Variants in BICDL1 observed in about 807,000 individuals in gnomAD.
The protein encoded by BICDL1 is BICD family-like cargo adapter 1.
In BICDL1, 20 loss-of-function variants were observed where a neutral mutation model predicts 76.8. The ratio of observed to expected loss-of-function variants is 0.26; its 90% CI spans 0.18 to 0.38. The LOEUF is 0.38. Ranked by LOEUF, BICDL1 falls within the 10% of genes least tolerant of loss-of-function variation. The pLI is 1.00. For missense variants in BICDL1, 700 were observed against 798.6 expected, an observed-to-expected ratio of 0.88 and a Z score of 1.49; for synonymous variants, 383 against 337.1, an observed-to-expected ratio of 1.14 and a Z score of -1.49.
At chr12:120,059,764 A>G (rs561515544) in intron 2 of BICDL1, among the ~76,000 whole-genome samples, 6 of 151,828 alleles carry the variant, frequency 4.0e-5, no homozygotes, top group Non-Finnish European at 7.4e-5. Context: ...GCTGTAGTGC[A>G]GTGGCAGCAC....
At chr12:120,053,779 G>T (rs1335834539) in intron 2 of BICDL1, among the ~76,000 whole-genome samples, 2 of 152,162 alleles carry the variant, frequency 1.3e-5, no homozygotes, top group Non-Finnish European at 2.9e-5. Flanking sequence ...CTACTAGAGT[G>T]TCATTGTATG....
intron 2 of BICDL1, among the ~76,000 whole-genome samples, chr12:120,006,722 G>A (rs964441507): frequency 2.6e-5 from 4 of 152,144 alleles, no homozygotes; most frequent in African/African-American, 7.2e-5. Flanking sequence ...ACTGGGGTGT[G>A]GTTAGCTTGG....
At chr12:119,997,212 C>A (rs968443765) in intron 1 of BICDL1, among the ~76,000 whole-genome samples, 8 of 152,188 alleles carry the variant, frequency 5.3e-5, no homozygotes, top group African/African-American at 1.4e-4. Context: ...TCCCAAAGTG[C>A]TGGGATTACA....
chr12:120,019,044 CAA>C (rs60381935), intron 2 of BICDL1: 107 of 49,294 alleles, frequency 2.2e-3, no homozygotes, highest in African/African-American at 5.8e-3. Flanking sequence ...GACTCCGTCT[CAA>C]AAAAAAAAAA....
At chr12:119,996,673 TATACAG>T (rs1357066399) in intron 1 of BICDL1, among the ~76,000 whole-genome samples, 1 of 130,956 alleles carries the variant, frequency 7.6e-6, no homozygotes, top group African/African-American at 3.6e-5. Context: ...TATATATACA[TATACAG>T]ATACACACAC....
In BICDL1 at chr12:120,047,406, A is replaced by T. The variant is rs529538303; in HGVS notation, c.646-14304A>T. Among the ~76,000 whole-genome samples, 14 of 152,306 alleles carry T rather than the reference A, an allele frequency of 9.2e-5. No individual in the cohort carries two copies. In the South Asian group the frequency reaches 2.7e-3, roughly 29 times the overall value. ...ACAAGTTCTGTGATCCTGGGCAGGA[A>T]CCTTCATGCAAATTGTATCTTTACG... On this transcript the variant is annotated intron_variant, in intron 2 of 9. Coordinates refer to ENST00000548673, the MANE Select transcript of BICDL1 (RefSeq NM_001367886.1).
chr12:120,092,703 C>T (rs373143198), intron 9 of BICDL1: 4 of 985,426 alleles, frequency 4.1e-6, no homozygotes, highest in Middle Eastern at 1.0e-3. Context: ...AGTGTGGAGA[C>T]TGCAGGGAGA....
chr12:120,036,846 A>T (rs1469520167), intron 2 of BICDL1, among the ~76,000 whole-genome samples: 1 of 152,248 alleles, frequency 6.6e-6, no homozygotes, highest in African/African-American at 2.4e-5. Context: ...ACTGTGCTCC[A>T]GCCTGGGTGA....
intron 7 of BICDL1, 65 bp downstream of exon 7, chr12:120,074,651 C>G (rs1873395245): frequency 2.0e-6 from 2 of 1,003,822 alleles, no homozygotes; most frequent in Admixed American, 1.2e-4. Flanking sequence ...TCTTGGGACC[C>G]TTTTGAGTTT....
At position 120,071,913 on chromosome 12, in the gene BICDL1, G is replaced by T. The variant is rs528518481; in HGVS notation, c.1089+112G>T. 10 of 1,416,630 alleles carry T rather than the reference G, an allele frequency of 7.1e-6. No individual in the cohort carries two copies. In the South Asian group the frequency reaches 1.6e-4, roughly 22 times the overall value. 87.8% of individuals were successfully genotyped at this position (1,416,630 alleles called of 1,614,324 possible). A position where few individuals can be genotyped will look rare whatever the true frequency, so the allele number is the denominator to read the frequency against. On this transcript the variant is annotated intron_variant, in intron 5 of 9. Transcript: ENST00000548673. This position sits in a 1 kb window ranked among gnomAD's most constrained non-coding sequence, Gnocchi z 4.8. ...GGCAAGGCTGTGCCCCTGTGCCTGT[G>T]TCAGCCCCTTGGCCTGCTGGCTAGA...
At position 120,093,176 on chromosome 12, in the gene BICDL1, G is replaced by GGCCACCAAAGATGGGTGGACTGGA; in HGVS notation, c.*17_*40dup. 1 of 1,571,130 alleles carries GGCCACCAAAGATGGGTGGACTGGA rather than the reference G, an allele frequency of 6.4e-7. No individual in the cohort carries two copies. Among genetic ancestry groups the GGCCACCAAAGATGGGTGGACTGGA allele is most frequent in the Non-Finnish European group, 8.6e-7 (1 of 1,157,456 alleles). On this transcript the variant is annotated 3_prime_UTR_variant, in exon 10 of 10. Coordinates refer to ENST00000548673, the MANE Select transcript of BICDL1 (RefSeq NM_001367886.1). ...GGAAAATTTAAGTTGGGAGGAGTCA[G>GGCCACCAAAGATGGGTGGACTGGA]GCCACCAAAGATGGGTGGACTGGAG...
chr12:120,042,456 G>C (rs542073588), intron 2 of BICDL1, among the ~76,000 whole-genome samples: 1 of 152,134 alleles, frequency 6.6e-6, no homozygotes, highest in Non-Finnish European at 1.5e-5. Flanking sequence ...GACATGTTGA[G>C]TGTGACGCAC....
chr12:120,047,581 A>G (rs893300387), intron 2 of BICDL1, among the ~76,000 whole-genome samples: 1 of 152,224 alleles, frequency 6.6e-6, no homozygotes, highest in Non-Finnish European at 1.5e-5. Context: ...TTTATCATAA[A>G]TAATTATAGC....
At chr12:120,047,256 G>C (rs1455189323) in intron 2 of BICDL1, among the ~76,000 whole-genome samples, 4 of 152,080 alleles carry the variant, frequency 2.6e-5, no homozygotes, top group Admixed American at 1.3e-4. Context: ...AGGGCCATCA[G>C]ACCTTCCTCA....
chr12:120,054,942 G>A (rs1952944216), intron 2 of BICDL1, among the ~76,000 whole-genome samples: 1 of 152,026 alleles, frequency 6.6e-6, no homozygotes, highest in Non-Finnish European at 1.5e-5. Context: ...TATAACAGTA[G>A]GATTGTAAGT....
intron 8 of BICDL1, 98 bp from the exon 9 acceptor site, chr12:120,089,853 G>A: frequency 6.9e-7 from 1 of 1,446,528 alleles, no homozygotes. Context: ...CAGGGTCAGA[G>A]CCTGTTTCCT....
At position 120,071,052 on chromosome 12, in the gene BICDL1, T is replaced by C. The variant is rs1419221808; in HGVS notation, c.910-570T>C. On this transcript the variant is annotated intron_variant, in intron 4 of 9. Transcript: ENST00000548673. The surrounding 1 kb of genome is among the most constrained non-coding windows in gnomAD (Gnocchi z 4.8). ...GCCTGGTTGGTATAACTCAAGTCTT[T>C]TTTTATTTCTGTGTTCCTCCTTTAT... 6.6e-6 allele frequency among the ~76,000 whole-genome samples: 1 copy of C among 152,078 alleles called. No individual in the cohort carries two copies. The highest frequency in any genetic ancestry group is 1.9e-4 in the East Asian group (1 of 5,164).
At chr12:120,010,380 A>G (rs1245165707) in intron 2 of BICDL1, among the ~76,000 whole-genome samples, 1 of 152,238 alleles carries the variant, frequency 6.6e-6, no homozygotes, top group African/African-American at 2.4e-5. Context: ...TTCTTAATTG[A>G]GTTTATAAAT....
chr12:119,990,146 C>T lies in BICDL1; in HGVS notation c.278C>T (p.Pro93Leu). ...GAGGGGGCCGGACCGCAGCCGCCGCCCTCCCAGGACCCCGAGCTGCTGTCG... is the reference window on the plus strand; with the variant it reads ...GAGGGGGCCGGACCGCAGCCGCCGCTCTCCCAGGACCCCGAGCTGCTGTCG... The part of the protein sequence containing the change: ...LAEGAGPQPP[P>L]SQDPELLSVI... The change falls in exon 1 of 10, where the codon CCC (proline) becomes CTC (leucine). Residue 93 changes from proline (P) to leucine (L), a missense_variant. By Grantham distance (98) the Pro-to-Leu change is moderately conservative. This residue lies in a region of BICDL1 where 225 missense variants were observed against 199.6 expected (regional missense o/e 1.13). Coordinates refer to ENST00000548673, the MANE Select transcript of BICDL1 (RefSeq NM_001367886.1). The T allele has an allele frequency of 1.3e-6, 2 of 1,550,938 alleles. No individual in the cohort carries two copies. Among genetic ancestry groups the T allele is most frequent in the South Asian group, 1.2e-5 (1 of 84,078 alleles).
Sources: gnomAD v4.1 joint callset for allele counts (sites outside exome capture counted in the v4.1 genomes callset) on GRCh38, gnomAD v4.1.1 for gene constraint, gnomAD v4.1.1 regional missense constraint, Gnocchi (gnomAD v3.1) non-coding constraint, MANE v1.5 for transcripts, NCBI Gene and HGNC (gene_info 2026-07-23, HGNC 2026-07-21) for gene names.